LRP2: variants seen among roughly 807,000 people sequenced by gnomAD.
LRP2 encodes low-density lipoprotein receptor-related protein 2.
LRP2 carries 172 observed loss-of-function variants against 531.0 expected under a neutral mutation model. The observed-to-expected ratio is 0.32, with a 90% CI of 0.29 to 0.37. The LOEUF (loss-of-function observed/expected upper bound fraction) is 0.37. Ranked by LOEUF, LRP2 falls within the 10% of genes least tolerant of loss-of-function variation. The pLI, the probability that LRP2 is intolerant of heterozygous loss-of-function variation, is 1.00. For synonymous variants in LRP2, 1,992 were observed against 2,027.6 expected (o/e 0.98, Z 0.47); for missense variants, 5,167 against 5,868.3 (o/e 0.88, Z 3.90).
At chr2:169,279,945 G>A (rs754707096) in intron 11 of LRP2, among the ~76,000 whole-genome samples, 7 of 152,126 alleles carry the variant, frequency 4.6e-5, no homozygotes, top group Non-Finnish European at 8.8e-5. Flanking sequence ...TTTGTTACTC[G>A]ATCCCGAATT....
chr2:169,179,025 A>G (rs534005227), intron 52 of LRP2, among the ~76,000 whole-genome samples: 69 of 151,780 alleles, frequency 4.5e-4, no homozygotes, highest in Non-Finnish European at 8.1e-4. Context: ...TTATTTATTT[A>G]TCTAGAGATA....
intron 16 of LRP2, among the ~76,000 whole-genome samples, chr2:169,265,046 T>C (rs114346886): frequency 0.011 from 1,628 of 151,480 alleles, 28 homozygotes; most frequent in African/African-American, 0.037. Context: ...CATCTTCCCC[T>C]TACCCCAAGA....
Position 169,309,326 on chromosome 2 carries a change from A to C in LRP2, c.311-1929T>G, listed in dbSNP as rs529442438. Reference sequence around the variant, plus strand: ...GTCTATGTCCTGAATGGTATTGCCTAGGTTTTCTTCTAGGGTTTTTATGGT... The same window carrying C: ...GTCTATGTCCTGAATGGTATTGCCTCGGTTTTCTTCTAGGGTTTTTATGGT... On this transcript the variant is annotated intron_variant, in intron 3 of 78. Coordinates refer to ENST00000649046, the MANE Select transcript of LRP2 (RefSeq NM_004525.3). Among the ~76,000 whole-genome samples, 23 of 152,256 alleles carry C rather than the reference A, an allele frequency of 1.5e-4. 1 individual carries two copies. Among genetic ancestry groups the C allele is most frequent in the African/African-American group, 4.8e-4 (20 of 41,546 alleles).
intron 3 of LRP2, among the ~76,000 whole-genome samples, chr2:169,317,747 G>T (rs75290491): frequency 0.036 from 5,500 of 152,152 alleles, 157 homozygotes; most frequent in East Asian, 0.096. Flanking sequence ...CTCATAGGTC[G>T]CCATCTTATA....
At chr2:169,326,689 G>A (rs201333829) in intron 1 of LRP2, among the ~76,000 whole-genome samples, 5,197 of 150,804 alleles carry the variant, frequency 0.034, 44 homozygotes, top group East Asian at 0.085. Context: ...CGTCTGGGAC[G>A]TGAGGAGCCC....
intron 16 of LRP2, among the ~76,000 whole-genome samples, chr2:169,260,970 C>G (rs1690523045): frequency 6.6e-6 from 1 of 151,790 alleles, no homozygotes; most frequent in Non-Finnish European, 1.5e-5. Context: ...AAATACAGGA[C>G]TGATAGGCAT....
At chr2:169,193,920 A>G (rs747910279) in intron 46 of LRP2, 28 bp from the exon 47 acceptor site, 24 of 1,613,084 alleles carry the variant, frequency 1.5e-5, no homozygotes, top group Non-Finnish European at 1.9e-5. Context: ...ATTCTCAGTG[A>G]AAAAAAGTGG....
At position 169,206,081 on chromosome 2, in the gene LRP2, G is replaced by A. The variant is rs201081898; in HGVS notation, c.7498C>T (p.Arg2500Cys). 181 of 1,614,046 alleles carry A rather than the reference G, an allele frequency of 1.1e-4. 1 individual carries two copies. The highest frequency in any genetic ancestry group is 1.5e-4 in the Admixed American group (9 of 59,998). Residue 2500 changes from arginine (R) to cysteine (C), a missense_variant, in exon 40 of 79, where the codon CGC becomes TGC. Physicochemically the swap from Arg to Cys is radical, Grantham distance 180. This residue lies in a region of LRP2 where 1,129 missense variants were observed against 1,362.7 expected (regional missense o/e 0.83). Coordinates refer to ENST00000649046, the MANE Select transcript of LRP2 (RefSeq NM_004525.3). The part of the protein sequence containing the change: ...INSMAEDGSN[R>C]TVIARVPKPR... The stretch of plus-strand genomic sequence containing the variant: ...TTTGGAACGCGGGCTATCACAGTGC[G>A]GTTAGACCCATCTTCAGCCATGGAA...
rs754094925 is a variant in LRP2, at chr2:169,241,113, G to A, written c.3920C>T (p.Thr1307Ile). ...GDMSDEKDCPTQPFRCPSWQW... is the reference protein window; with the variant it reads ...GDMSDEKDCPIQPFRCPSWQW... Reference sequence around the variant, plus strand: ...CCAACTAGGACAGCGAAAGGGCTGAGTAGGGCAGTCCTTCTCATCACTCAT... The same window carrying A: ...CCAACTAGGACAGCGAAAGGGCTGAATAGGGCAGTCCTTCTCATCACTCAT... The change falls in exon 25 of 79, where the codon ACT becomes ATT. Residue 1307 changes from threonine to isoleucine, a missense_variant. Around this residue, in one of 6 missense-constraint regions of LRP2, gnomAD observed 2,811 missense variants for 3,058.0 expected, o/e 0.92. Coordinates refer to ENST00000649046, the MANE Select transcript of LRP2 (RefSeq NM_004525.3). 1.2e-6 allele frequency: 2 copies of A among 1,614,064 alleles called. No homozygotes were observed. The highest frequency in any genetic ancestry group is 2.2e-5 in the East Asian group (1 of 44,882).
Position 169,220,610 on chromosome 2 carries a change from C to A in LRP2, c.5539-47G>T, listed in dbSNP as rs759231689. On this transcript the variant is annotated intron_variant, in intron 33 of 78. Transcript: ENST00000649046. ...TAGAACTGACTTTCATAAGGGGAAC[C>A]AAAGGAAACTGAGATGAAGGAGAAC... is the stretch of plus-strand genomic sequence containing the variant. 4 of 1,271,204 alleles carry A rather than the reference C, an allele frequency of 3.1e-6. No homozygotes were observed. The African/African-American group carries it at 4.4e-5, about 14-fold the overall frequency. 78.7% of individuals were successfully genotyped at this position (1,271,204 alleles called of 1,614,324 possible).
intron 3 of LRP2, among the ~76,000 whole-genome samples, chr2:169,309,400 A>G (rs922419200): frequency 2.0e-5 from 3 of 152,184 alleles, no homozygotes; most frequent in African/African-American, 7.2e-5. Flanking sequence ...TAATTTTTGT[A>G]TAAGGTGTAA....
chr2:169,202,488 G>A (rs1048311695), intron 43 of LRP2, among the ~76,000 whole-genome samples: 4 of 152,162 alleles, frequency 2.6e-5, no homozygotes, highest in Admixed American at 1.3e-4. Context: ...CAGATGAGAT[G>A]TCTGAGGCTT....
Position 169,193,927 on chromosome 2 carries a change from G to C in LRP2, c.8699-35C>G, listed in dbSNP as rs558657877. Reference sequence around the variant, plus strand: ...TCAATAGCATTCTCAGTGAAAAAAAGTGGTTTACAGTCCAGGAATCTGGAG... The same window carrying C: ...TCAATAGCATTCTCAGTGAAAAAAACTGGTTTACAGTCCAGGAATCTGGAG... On this transcript the variant is annotated intron_variant, in intron 46 of 78. Transcript: ENST00000649046. 28 of 1,613,768 alleles carry C rather than the reference G, an allele frequency of 1.7e-5. No homozygotes were observed. In the Admixed American group the frequency reaches 4.3e-4, roughly 25 times the overall value.
chr2:169,213,899 A>G (rs372495705), intron 35 of LRP2, 29 bp from the exon 36 acceptor site: 13 of 1,515,340 alleles, frequency 8.6e-6, no homozygotes, highest in Non-Finnish European at 2.7e-6. Flanking sequence ...CATTAGTTTC[A>G]TGGATTCATA....
chr2:169,203,765 A>G (rs1449892738), intron 42 of LRP2, among the ~76,000 whole-genome samples: 1 of 152,212 alleles, frequency 6.6e-6, no homozygotes, highest in Non-Finnish European at 1.5e-5. Context: ...TCAAAAATAA[A>G]ATAAAAGAAA....
chr2:169,266,189 G>T (rs1311789608), intron 16 of LRP2, among the ~76,000 whole-genome samples: 1 of 151,842 alleles, frequency 6.6e-6, no homozygotes, highest in African/African-American at 2.4e-5. Context: ...TGGGGGGAGG[G>T]AAGTCAGAAG....
At chr2:169,287,851 T>TAAA (rs1683899718) in intron 9 of LRP2, among the ~76,000 whole-genome samples, 1 of 90,378 alleles carries the variant, frequency 1.1e-5, no homozygotes, top group African/African-American at 3.8e-5. Context: ...ATTTTAATAT[T>TAAA]TTAATATTAA....
At chr2:169,266,450 C>T (rs1240276431) in intron 16 of LRP2, among the ~76,000 whole-genome samples, 1 of 151,982 alleles carries the variant, frequency 6.6e-6, no homozygotes. Context: ...TGAATATTTA[C>T]TATTTTCTAG....
At chr2:169,188,566 G>T (rs1253760882) in intron 48 of LRP2, among the ~76,000 whole-genome samples, 1 of 152,114 alleles carries the variant, frequency 6.6e-6, no homozygotes, top group Non-Finnish European at 1.5e-5. Flanking sequence ...TAGGTCTATA[G>T]CTATTAAAAA....
Sources: gnomAD v4.1 joint callset for allele counts (sites outside exome capture counted in the v4.1 genomes callset) on GRCh38, gnomAD v4.1.1 for gene constraint, gnomAD v4.1.1 regional missense constraint, MANE v1.5 for transcripts, NCBI Gene and HGNC (gene_info 2026-07-23, HGNC 2026-07-21) for gene names.